Variants in NTM observed in about 807,000 individuals in gnomAD.
NTM encodes neurotrimin, also known as IgLON family member 2.
NTM carries 13 observed loss-of-function variants against 42.1 expected under a neutral mutation model. That is an observed-to-expected ratio of 0.31 (90% confidence interval 0.20 to 0.49). The LOEUF (loss-of-function observed/expected upper bound fraction) is 0.49. Ranked by LOEUF, NTM falls within the 20% of genes least tolerant of loss-of-function variation. The probability of loss-of-function intolerance (pLI) is 0.99; values close to 1 mark genes in which losing one functional copy is unlikely to be tolerated. For synonymous variants in NTM, 187 were observed against 179.2 expected (o/e 1.04, Z -0.35); for missense variants, 373 against 452.8 (o/e 0.82, Z 1.60).
At chr11:131,918,782 T>C (rs1746165690) in intron 2 of NTM, among the ~76,000 whole-genome samples, 1 of 152,126 alleles carries the variant, frequency 6.6e-6, no homozygotes, top group African/African-American at 2.4e-5. Context: ...TGGGAGTGTT[T>C]AAGGTTTCAT....
intron 1 of NTM, among the ~76,000 whole-genome samples, chr11:131,479,876 A>G (rs1953369116): frequency 6.6e-6 from 1 of 152,152 alleles, no homozygotes; most frequent in Non-Finnish European, 1.5e-5. Context: ...AAGAAATATT[A>G]ACATTTTGAT....
At chr11:131,572,656 G>A (rs1205816072) in intron 1 of NTM, among the ~76,000 whole-genome samples, 3 of 152,238 alleles carry the variant, frequency 2.0e-5, no homozygotes, top group Non-Finnish European at 2.9e-5. Context: ...GACAAACAAC[G>A]CGAGCAGCTC....
At chr11:132,241,863 A>C (rs189216323) in intron 4 of NTM, among the ~76,000 whole-genome samples, 1 of 152,360 alleles carries the variant, frequency 6.6e-6, no homozygotes, top group East Asian at 1.9e-4. Flanking sequence ...GCCCATACAC[A>C]GTACAATTCT....
chr11:131,406,325 G>T (rs1945812581), intron 1 of NTM, among the ~76,000 whole-genome samples: 1 of 152,170 alleles, frequency 6.6e-6, no homozygotes, highest in Non-Finnish European at 1.5e-5. Flanking sequence ...GGGACAAGTT[G>T]TTTAACTTCA....
rs565239804 is a variant in NTM, at chr11:132,109,878, G to T, written c.168-36404G>T. Among the ~76,000 whole-genome samples, 17 of 152,314 alleles carry T rather than the reference G, an allele frequency of 1.1e-4. No homozygotes were observed. The East Asian group carries it at 3.1e-3, about 28-fold the overall frequency. ...CTCATAGCTTAGTTCCCACTTATGA[G>T]TGAGGACATAAGATGTTTGGGTTTC... On this transcript the variant is annotated intron_variant, in intron 2 of 8. Transcript: ENST00000683400.
chr11:131,951,454 C>G (rs1015379738), intron 2 of NTM, among the ~76,000 whole-genome samples: 6 of 152,240 alleles, frequency 3.9e-5, no homozygotes, highest in African/African-American at 1.4e-4. Context: ...TGCTCCCTCT[C>G]CACCCTATTA....
intron 1 of NTM, among the ~76,000 whole-genome samples, chr11:131,416,589 C>G (rs1159190773): frequency 1.3e-5 from 2 of 152,170 alleles, no homozygotes; most frequent in South Asian, 2.1e-4. Flanking sequence ...GTATAAGACA[C>G]AGTTAGACTC....
intron 1 of NTM, among the ~76,000 whole-genome samples, chr11:131,421,725 G>A (rs915538381): frequency 6.6e-6 from 1 of 152,216 alleles, no homozygotes; most frequent in Non-Finnish European, 1.5e-5. Context: ...AGCAACTGCT[G>A]ACTAACCTAC....
At chr11:131,672,285 C>A (rs1466733507) in intron 1 of NTM, among the ~76,000 whole-genome samples, 1 of 152,220 alleles carries the variant, frequency 6.6e-6, no homozygotes, top group Non-Finnish European at 1.5e-5. Context: ...AGGGTTCAGG[C>A]AGGGATGCCA....
At chr11:131,494,072 A>G (rs960606888) in intron 1 of NTM, among the ~76,000 whole-genome samples, 2 of 152,190 alleles carry the variant, frequency 1.3e-5, no homozygotes, top group Non-Finnish European at 2.9e-5. Flanking sequence ...CCCTCTCTAG[A>G]ATGCACTTTC....
intron 1 of NTM, among the ~76,000 whole-genome samples, chr11:131,892,799 C>T (rs1280435637): frequency 2.0e-5 from 3 of 152,252 alleles, no homozygotes; most frequent in Admixed American, 2.0e-4. Context: ...AGAGCTCCTC[C>T]TGACAAGAAT....
intron 2 of NTM, among the ~76,000 whole-genome samples, chr11:132,058,266 C>T (rs957004493): frequency 3.3e-5 from 5 of 152,134 alleles, no homozygotes; most frequent in African/African-American, 1.2e-4. Context: ...GGAGGTGCTG[C>T]TGCTGGAATG....
intron 1 of NTM, among the ~76,000 whole-genome samples, chr11:131,744,737 C>G (rs1434599727): frequency 6.6e-6 from 1 of 152,140 alleles, no homozygotes; most frequent in East Asian, 1.9e-4. Flanking sequence ...TACTTACCCT[C>G]AAACCCAGTT....
chr11:131,733,514 CCTTCCTTTCTTT>C (rs1346229227), intron 1 of NTM, among the ~76,000 whole-genome samples: 7 of 129,752 alleles, frequency 5.4e-5, no homozygotes, highest in Non-Finnish European at 1.1e-4. Flanking sequence ...TTCCTTCCTT[CCTTCCTTTCTTT>C]CTTTCTTTCG....
Position 131,541,234 on chromosome 11 carries a change from C to G in NTM, c.82+170346C>G, listed in dbSNP as rs186256118. Reference sequence around the variant, plus strand: ...ATTTAGGACTTAAAGTGACAGAGAACCATCCCTCGCCTTCCGCCATGTAAT... The same window carrying G: ...ATTTAGGACTTAAAGTGACAGAGAAGCATCCCTCGCCTTCCGCCATGTAAT... On this transcript the variant is annotated intron_variant, in intron 1 of 8. Coordinates refer to ENST00000683400, the MANE Select transcript of NTM (RefSeq NM_001352005.2). Among the ~76,000 whole-genome samples the G allele has an allele frequency of 2.0e-5, 3 of 152,308 alleles. 1 individual carries two copies. Among genetic ancestry groups the G allele is most frequent in the Admixed American group, 1.3e-4 (2 of 15,298 alleles).
At chr11:131,547,251 G>A (rs2054065826) in intron 1 of NTM, among the ~76,000 whole-genome samples, 1 of 152,272 alleles carries the variant, frequency 6.6e-6, no homozygotes, top group African/African-American at 2.4e-5. Flanking sequence ...ACTATATATA[G>A]TAGGATACTT....
chr11:131,824,555 C>A (rs1026788070), intron 1 of NTM, among the ~76,000 whole-genome samples: 1 of 152,138 alleles, frequency 6.6e-6, no homozygotes, highest in Non-Finnish European at 1.5e-5. Context: ...TTTAGAGTAA[C>A]CTAGAATGTG....
intron 1 of NTM, among the ~76,000 whole-genome samples, chr11:131,885,965 C>G (rs2050322299): frequency 6.6e-6 from 1 of 152,130 alleles, no homozygotes; most frequent in Non-Finnish European, 1.5e-5. Context: ...CTTTTCCACC[C>G]AGGGAGAAAG....
chr11:132,268,326 A>G (rs1019016032), intron 4 of NTM, among the ~76,000 whole-genome samples: 2 of 152,068 alleles, frequency 1.3e-5, no homozygotes, highest in African/African-American at 4.8e-5. Context: ...CGTATACACT[A>G]TTATTTTATT....
Sources: gnomAD v4.1 joint callset for allele counts (sites outside exome capture counted in the v4.1 genomes callset) on GRCh38, gnomAD v4.1.1 for gene constraint, MANE v1.5 for transcripts, NCBI Gene and HGNC (gene_info 2026-07-23, HGNC 2026-07-21) for gene names.